ABTB3: variants seen among roughly 807,000 people sequenced by gnomAD.
The protein encoded by ABTB3 is ankyrin repeat- and BTB/POZ domain-containing protein 3.
the ABTB3 span, among the ~76,000 whole-genome samples, chr12:107,602,189 T>C: frequency 6.6e-6 from 1 of 152,212 alleles, no homozygotes; most frequent in African/African-American, 2.4e-5. Flanking sequence ...CATCTAGCAC[T>C]GACTCCCTCC....
At chr12:107,438,348 A>G in the ABTB3 span, among the ~76,000 whole-genome samples, 1 of 152,188 alleles carries the variant, frequency 6.6e-6, no homozygotes, top group Non-Finnish European at 1.5e-5. Context: ...ATGCGTTTTC[A>G]GGCCACAGAA....
chr12:107,319,253 G>C, the ABTB3 span: 3 of 1,557,494 alleles, frequency 1.9e-6, no homozygotes, highest in East Asian at 4.7e-5. Context: ...CCAGGAGCTG[G>C]AGGCGCTGCT....
the ABTB3 span, among the ~76,000 whole-genome samples, chr12:107,381,429 A>G: frequency 6.6e-6 from 1 of 152,224 alleles, no homozygotes; most frequent in Admixed American, 6.5e-5. Context: ...AGCCTGAGGT[A>G]TGCAAAGGGG....
At chr12:107,387,588 A>G in the ABTB3 span, among the ~76,000 whole-genome samples, 7 of 152,196 alleles carry the variant, frequency 4.6e-5, no homozygotes, top group African/African-American at 1.7e-4. Flanking sequence ...AGGTACTGCA[A>G]AGAAGAGGGG....
the ABTB3 span, among the ~76,000 whole-genome samples, chr12:107,597,158 T>G: frequency 6.6e-6 from 1 of 152,244 alleles, no homozygotes; most frequent in Non-Finnish European, 1.5e-5. Flanking sequence ...GTCTGTAGAC[T>G]CTAACATTCT....
At chr12:107,385,876 A>C in the ABTB3 span, among the ~76,000 whole-genome samples, 1 of 152,150 alleles carries the variant, frequency 6.6e-6, no homozygotes, top group Non-Finnish European at 1.5e-5. Context: ...CCTCACCGAC[A>C]TGCCCAGCCT....
At chr12:107,449,334 T>G in the ABTB3 span, among the ~76,000 whole-genome samples, 1 of 152,248 alleles carries the variant, frequency 6.6e-6, no homozygotes, top group Non-Finnish European at 1.5e-5. Context: ...TCCCAGCATC[T>G]AAACTGGCTG....
the ABTB3 span, among the ~76,000 whole-genome samples, chr12:107,481,368 C>G: frequency 1.3e-5 from 2 of 152,110 alleles, no homozygotes; most frequent in Admixed American, 1.3e-4. Flanking sequence ...TAGGCCTGAC[C>G]CCGGAGGCCC....
chr12:107,631,730 T>C, the ABTB3 span, among the ~76,000 whole-genome samples: 1 of 152,200 alleles, frequency 6.6e-6, no homozygotes, highest in African/African-American at 2.4e-5. Flanking sequence ...ATATGCCTGA[T>C]GTTTTTCTCA....
At chr12:107,541,929 A>AC in the ABTB3 span, among the ~76,000 whole-genome samples, 1 of 151,988 alleles carries the variant, frequency 6.6e-6, no homozygotes, top group East Asian at 1.9e-4. Context: ...TGGAAAGAAA[A>AC]AAAAAAAACC....
the ABTB3 span, among the ~76,000 whole-genome samples, chr12:107,524,436 G>C: frequency 1.3e-5 from 2 of 152,148 alleles, no homozygotes; most frequent in Non-Finnish European, 2.9e-5. Flanking sequence ...TTCCAAAAAA[G>C]GTGAGATGGA....
At chr12:107,378,243 G>C in the ABTB3 span, among the ~76,000 whole-genome samples, 122 of 152,262 alleles carry the variant, frequency 8.0e-4, no homozygotes, top group African/African-American at 2.8e-3. Flanking sequence ...TTAACCTCAA[G>C]TCACTTAAAT....
the ABTB3 span, among the ~76,000 whole-genome samples, chr12:107,569,980 G>C: frequency 6.6e-6 from 1 of 152,216 alleles, no homozygotes. Flanking sequence ...AGAAGGTTGG[G>C]CCTCTTCCCT....
At chr12:107,383,878 C>T in the ABTB3 span, among the ~76,000 whole-genome samples, 2 of 152,192 alleles carry the variant, frequency 1.3e-5, no homozygotes, top group Non-Finnish European at 2.9e-5. Flanking sequence ...ACAGGGTCTT[C>T]CATCTGCTCA....
At chr12:107,447,379 T>C in the ABTB3 span, among the ~76,000 whole-genome samples, 1 of 152,170 alleles carries the variant, frequency 6.6e-6, no homozygotes, top group African/African-American at 2.4e-5. Context: ...TGACCTCAGG[T>C]GATCCACCCA....
chr12:107,544,983 A>G, the ABTB3 span, among the ~76,000 whole-genome samples: 1 of 152,232 alleles, frequency 6.6e-6, no homozygotes, highest in African/African-American at 2.4e-5. Flanking sequence ...TAGGTGCTCA[A>G]TAAATGTTAA....
At chr12:107,489,117 G>T in the ABTB3 span, among the ~76,000 whole-genome samples, 2 of 152,246 alleles carry the variant, frequency 1.3e-5, no homozygotes, top group East Asian at 3.9e-4. Flanking sequence ...AAAAACATTC[G>T]TACTGATAAT....
chr12:107,634,844 G>A, the ABTB3 span: 1 of 152,414 alleles, frequency 6.6e-6, no homozygotes, highest in Non-Finnish European at 1.5e-5. Context: ...CGTTTGTCTC[G>A]TTAATGGAGA....
At chr12:107,596,795 T>TTAAGTTCTTTTCCAG in the ABTB3 span, among the ~76,000 whole-genome samples, 1 of 152,136 alleles carries the variant, frequency 6.6e-6, no homozygotes, top group African/African-American at 2.4e-5. Context: ...TCCCCCTTCC[T>TTAAGTTCTTTTCCAG]TAAGTTCTTT....
Sources: gnomAD v4.1 joint callset for allele counts (sites outside exome capture counted in the v4.1 genomes callset) on GRCh38, gnomAD v4.1.1 for gene constraint, MANE v1.5 for transcripts, NCBI Gene and HGNC (gene_info 2026-07-23, HGNC 2026-07-21) for gene names.